Variants in TCERG1L observed in about 807,000 individuals in gnomAD.
TCERG1L encodes transcription elongation regulator 1-like protein.
Under a neutral mutation model 56.3 loss-of-function variants are expected in TCERG1L, and 37 were observed. That is an observed-to-expected ratio of 0.66 (90% CI 0.51 to 0.87). The LOEUF (loss-of-function observed/expected upper bound fraction) is 0.87, where lower values mean the gene tolerates loss of function less well. Among genes scored for constraint, TCERG1L ranks in the 40% least tolerant of loss-of-function variants. The pLI, the probability that TCERG1L is intolerant of heterozygous loss-of-function variation, is 0.00. For synonymous variants in TCERG1L, 324 were observed against 326.3 expected (o/e 0.99, Z 0.08); for missense variants, 799 against 774.2 (o/e 1.03, Z -0.38).
At chr10:131,242,140 T>C (rs959841144) in intron 4 of TCERG1L, among the ~76,000 whole-genome samples, 1 of 152,146 alleles carries the variant, frequency 6.6e-6, no homozygotes, top group Non-Finnish European at 1.5e-5. Context: ...GCAAGTGAGA[T>C]TGTGAACTGG....
intron 4 of TCERG1L, among the ~76,000 whole-genome samples, chr10:131,200,334 C>T (rs1292838147): frequency 6.6e-6 from 1 of 152,206 alleles, no homozygotes; most frequent in Admixed American, 6.5e-5. Context: ...GCTCTGTTGT[C>T]TGATGCAAGT....
chr10:131,302,191 G>A (rs1198550248), intron 3 of TCERG1L, among the ~76,000 whole-genome samples: 4 of 151,996 alleles, frequency 2.6e-5, no homozygotes, highest in African/African-American at 9.7e-5. Flanking sequence ...AGCTTGTCTA[G>A]TACTGCAGAA....
intron 3 of TCERG1L, among the ~76,000 whole-genome samples, chr10:131,303,087 T>C (rs1263176067): frequency 1.3e-5 from 2 of 152,026 alleles, no homozygotes; most frequent in African/African-American, 4.8e-5. Flanking sequence ...GCAGTAAACA[T>C]ACGTGTGCAT....
intron 1 of TCERG1L, among the ~76,000 whole-genome samples, chr10:131,309,787 C>G (rs948199606): frequency 2.3e-5 from 3 of 131,492 alleles, no homozygotes; most frequent in Non-Finnish European, 4.7e-5. Context: ...AGTTAAGATT[C>G]CAAGTTTCAC....
intron 3 of TCERG1L, among the ~76,000 whole-genome samples, chr10:131,281,859 G>A (rs1016603709): frequency 2.6e-5 from 4 of 152,018 alleles, no homozygotes; most frequent in South Asian, 2.1e-4. Context: ...CCTTCTGGCC[G>A]GGCGCGGTGG....
At chr10:131,216,300 GGAGCTCCCA>G (rs1173258886) in intron 4 of TCERG1L, among the ~76,000 whole-genome samples, 1 of 152,114 alleles carries the variant, frequency 6.6e-6, no homozygotes, top group Non-Finnish European at 1.5e-5. Flanking sequence ...GGGGCAAAGA[GGAGCTCCCA>G]GAGCCCATAG....
intron 3 of TCERG1L, among the ~76,000 whole-genome samples, chr10:131,276,661 T>A (rs925182452): frequency 1.3e-5 from 2 of 152,178 alleles, no homozygotes; most frequent in African/African-American, 4.8e-5. Context: ...CTATCTTGGT[T>A]ATGAAATTAA....
intron 9 of TCERG1L, among the ~76,000 whole-genome samples, chr10:131,113,676 C>T (rs1244207376): frequency 7.1e-6 from 1 of 141,840 alleles, no homozygotes; most frequent in Non-Finnish European, 1.6e-5. Context: ...CAGCCAGGGT[C>T]CCCGAGGCTG....
intron 4 of TCERG1L, among the ~76,000 whole-genome samples, chr10:131,192,731 ATT>A (rs2133464403): frequency 6.9e-6 from 1 of 144,944 alleles, no homozygotes; most frequent in African/African-American, 2.6e-5. Flanking sequence ...GGAGTCCATT[ATT>A]CTAAGTGAAG....
intron 9 of TCERG1L, among the ~76,000 whole-genome samples, chr10:131,113,278 A>G (rs989436949): frequency 3.5e-5 from 5 of 141,510 alleles, no homozygotes; most frequent in Admixed American, 3.5e-4. Flanking sequence ...GGCAGTGCCA[A>G]CTCCCCAAAG....
At position 131,311,387 on chromosome 10, in the gene TCERG1L, C is replaced by G; in HGVS notation, c.249G>C (p.Pro83=). 5.9e-6 allele frequency: 7 copies of G among 1,189,346 alleles called. No individual in the cohort carries two copies. The highest frequency in any genetic ancestry group is 7.3e-6 in the Non-Finnish European group (7 of 962,108). 73.7% of individuals were successfully genotyped at this position (1,189,346 alleles called of 1,614,324 possible). The change falls in exon 1 of 12, where the codon CCG becomes CCC. Residue 83 remains proline (P), a synonymous_variant. Transcript: ENST00000368642. The surrounding 1 kb of genome is among the most constrained non-coding windows in gnomAD (Gnocchi z 4.0). ...GCAGCAGCGGGAGCACCGGCTCGCT[C>G]GGGGCCGGCCAGCCGGGGAGACCGG... The part of the protein sequence containing the change: ...LLPGLPGWPA[P]SEPVLPLLPL...
chr10:131,169,591 A>T (rs570279461), intron 4 of TCERG1L, among the ~76,000 whole-genome samples: 7 of 152,198 alleles, frequency 4.6e-5, no homozygotes, highest in Non-Finnish European at 1.0e-4. Context: ...AATTGGTTTA[A>T]ATTTTATCTA....
At chr10:131,238,235 C>T (rs987912766) in intron 4 of TCERG1L, among the ~76,000 whole-genome samples, 1 of 152,182 alleles carries the variant, frequency 6.6e-6, no homozygotes. Context: ...TTCCGTTGTG[C>T]AGCCATCTCG....
chr10:131,098,193 G>A lies in TCERG1L; in HGVS notation c.1604+113C>T, dbSNP rs565481043. On this transcript the variant is annotated intron_variant, in intron 11 of 11. Coordinates refer to ENST00000368642, the MANE Select transcript of TCERG1L (RefSeq NM_174937.4). ...GCAGGTCTTCAAAGCTCACACTTTC[G>A]TGTCTGTGGAAGGCTGGGTTACACG... is the stretch of plus-strand genomic sequence containing the variant. 234 of 1,140,844 alleles carry A rather than the reference G, an allele frequency of 2.1e-4. 1 individual carries two copies. Among genetic ancestry groups the A allele is most frequent in the Middle Eastern group, 3.9e-4 (2 of 5,128 alleles). 70.7% of individuals were successfully genotyped at this position (1,140,844 alleles called of 1,614,324 possible). A position where few individuals can be genotyped will look rare whatever the true frequency, so the allele number is the denominator to read the frequency against.
chr10:131,299,498 A>C (rs954323390), intron 3 of TCERG1L, among the ~76,000 whole-genome samples: 1 of 150,176 alleles, frequency 6.7e-6, no homozygotes, highest in East Asian at 2.0e-4. Context: ...TTTTGAAGAT[A>C]TATCTTTCGA....
At chr10:131,098,852 A>G (rs1845275939) in intron 10 of TCERG1L, among the ~76,000 whole-genome samples, 2 of 152,214 alleles carry the variant, frequency 1.3e-5, no homozygotes, top group Non-Finnish European at 2.9e-5. Context: ...GTGGCACCAG[A>G]ACACAGCAGA....
In TCERG1L at chr10:131,104,366, T is replaced by C. The variant is rs368018608; in HGVS notation, c.1396-12A>G. ...GAAAATGCTGATACCTAAAGAAAGA[T>C]ATTCAATAGAGTTGCTGTTAGCGTC... On this transcript the variant is annotated splice_polypyrimidine_tract_variant and intron_variant, in intron 9 of 11. Transcript: ENST00000368642. 3.3e-6 allele frequency: 5 copies of C among 1,519,282 alleles called. No individual in the cohort carries two copies. The highest frequency in any genetic ancestry group is 2.0e-5 in the Admixed American group (1 of 50,936). The allele number at this position is 1,519,282 out of a possible 1,614,324, so 94.1% of individuals were successfully genotyped here.
At chr10:131,099,542 G>A (rs1433767059) in intron 10 of TCERG1L, among the ~76,000 whole-genome samples, 1 of 152,230 alleles carries the variant, frequency 6.6e-6, no homozygotes, top group African/African-American at 2.4e-5. Flanking sequence ...CGGCCAGGCA[G>A]ATCCTAGAAT....
intron 7 of TCERG1L, among the ~76,000 whole-genome samples, chr10:131,141,512 C>T (rs1050893365): frequency 4.6e-5 from 7 of 152,150 alleles, no homozygotes; most frequent in Admixed American, 3.9e-4. Flanking sequence ...TCATCTTTGG[C>T]GTCCTGTGTC....
Sources: gnomAD v4.1 joint callset for allele counts (sites outside exome capture counted in the v4.1 genomes callset) on GRCh38, gnomAD v4.1.1 for gene constraint, Gnocchi (gnomAD v3.1) non-coding constraint, MANE v1.5 for transcripts, NCBI Gene and HGNC (gene_info 2026-07-23, HGNC 2026-07-21) for gene names.